KCNQ3: variants seen among roughly 807,000 people sequenced by gnomAD.
KCNQ3 encodes potassium voltage-gated channel subfamily KQT member 3.
Under a neutral mutation model 92.5 loss-of-function variants are expected in KCNQ3, and 30 were observed. That is an observed-to-expected ratio of 0.32 (90% CI 0.24 to 0.44). KCNQ3 has a LOEUF of 0.44. Among genes scored for constraint, KCNQ3 ranks in the 20% least tolerant of loss-of-function variants. The pLI, the probability that KCNQ3 is intolerant of heterozygous loss-of-function variation, is 1.00. For synonymous variants in KCNQ3, 450 were observed against 468.8 expected, an observed-to-expected ratio of 0.96 and a Z score of 0.52; for missense variants, 913 against 1,140.3, an observed-to-expected ratio of 0.80 and a Z score of 2.87.
intron 1 of KCNQ3, among the ~76,000 whole-genome samples, chr8:132,238,106 G>A (rs954590728): frequency 2.6e-5 from 4 of 152,132 alleles, no homozygotes; most frequent in African/African-American, 9.7e-5. Context: ...CTTGTACAAT[G>A]GGCCCCAGTA....
At chr8:132,260,474 AT>A (rs770609556) in intron 1 of KCNQ3, among the ~76,000 whole-genome samples, 27 of 152,258 alleles carry the variant, frequency 1.8e-4, no homozygotes, top group Middle Eastern at 3.4e-3. Flanking sequence ...ATTAAAAAAA[AT>A]AATAATAAAT....
intron 6 of KCNQ3, among the ~76,000 whole-genome samples, chr8:132,173,643 G>A (rs1333337279): frequency 6.6e-6 from 1 of 152,072 alleles, no homozygotes; most frequent in Non-Finnish European, 1.5e-5. Context: ...AGATGATGTG[G>A]GTAAAGCATT....
rs140146409 is a variant in KCNQ3, at chr8:132,351,808, T to C, written c.386+128339A>G. 5.2e-3 allele frequency among the ~76,000 whole-genome samples: 797 copies of C among 152,316 alleles called. 10 individuals are homozygous for C. Among genetic ancestry groups the C allele is most frequent in the South Asian group, 0.013 (62 of 4,830 alleles). On this transcript the variant is annotated intron_variant, in intron 1 of 14. Coordinates refer to ENST00000388996, the MANE Select transcript of KCNQ3 (RefSeq NM_004519.4). ...TTCTTTCCCTGAGAGGCACTGGCTA[T>C]AGGGATAAGACAATCACTTTGGGTT...
intron 2 of KCNQ3, 104 bp downstream of exon 2, chr8:132,185,987 A>T: frequency 1.2e-6 from 1 of 843,210 alleles, no homozygotes; most frequent in Non-Finnish European, 2.0e-6. Context: ...ACTGGAGACT[A>T]CAAGAAGCTG....
chr8:132,153,119 A>T lies in KCNQ3; in HGVS notation c.1262+10349T>A, dbSNP rs185754737. On this transcript the variant is annotated intron_variant, in intron 9 of 14. Coordinates refer to ENST00000388996, the MANE Select transcript of KCNQ3 (RefSeq NM_004519.4). ...TAACCCTGATTGTTCCTGTGAACCA[A>T]CCAGCAATCTCTGGCTGCAGCTCAG... 2.7e-3 allele frequency among the ~76,000 whole-genome samples: 416 copies of T among 152,342 alleles called. 13 individuals are homozygous for T. The highest frequency in any genetic ancestry group is 0.026 in the Admixed American group (403 of 15,298).
intron 1 of KCNQ3, among the ~76,000 whole-genome samples, chr8:132,474,819 G>A (rs940918681): frequency 1.3e-5 from 2 of 152,018 alleles, no homozygotes; most frequent in African/African-American, 4.8e-5. Context: ...TCTATGCCTG[G>A]GGAAGCTGGG....
intron 1 of KCNQ3, among the ~76,000 whole-genome samples, chr8:132,203,652 C>G (rs368075965): frequency 4.8e-4 from 73 of 152,244 alleles, no homozygotes; most frequent in African/African-American, 1.7e-3. Context: ...TTATTTATTG[C>G]TGTGTGACTC....
intron 7 of KCNQ3, among the ~76,000 whole-genome samples, chr8:132,172,388 G>A (rs1826396796): frequency 7.4e-6 from 1 of 135,758 alleles, no homozygotes; most frequent in Non-Finnish European, 1.6e-5. Flanking sequence ...TCCTGCCTGG[G>A]CACATTAATA....
chr8:132,397,692 C>T (rs1820226637), intron 1 of KCNQ3, among the ~76,000 whole-genome samples: 1 of 152,106 alleles, frequency 6.6e-6, no homozygotes, highest in African/African-American at 2.4e-5. Flanking sequence ...CCACGGCTTA[C>T]AGACTATCTG....
chr8:132,377,760 C>T (rs1464739435), intron 1 of KCNQ3, among the ~76,000 whole-genome samples: 1 of 152,142 alleles, frequency 6.6e-6, no homozygotes. Context: ...AGAGTAATAT[C>T]GGGTCAATAA....
At chr8:132,457,373 G>A (rs904183309) in intron 1 of KCNQ3, among the ~76,000 whole-genome samples, 7 of 152,118 alleles carry the variant, frequency 4.6e-5, no homozygotes, top group East Asian at 1.9e-4. Context: ...GTAACTCCTC[G>A]GTTAAGAAAG....
At chr8:132,374,424 C>G (rs547054448) in intron 1 of KCNQ3, among the ~76,000 whole-genome samples, 1 of 152,164 alleles carries the variant, frequency 6.6e-6, no homozygotes, top group Non-Finnish European at 1.5e-5. Flanking sequence ...CTCCACTCCC[C>G]GACCCACTTC....
At chr8:132,331,615 C>T (rs1818232742) in intron 1 of KCNQ3, among the ~76,000 whole-genome samples, 1 of 152,160 alleles carries the variant, frequency 6.6e-6, no homozygotes, top group Admixed American at 6.5e-5. Flanking sequence ...CCTCCTGCTC[C>T]TTGTTCTCTC....
intron 1 of KCNQ3, among the ~76,000 whole-genome samples, chr8:132,414,365 C>T (rs868843638): frequency 3.9e-5 from 6 of 152,132 alleles, no homozygotes; most frequent in African/African-American, 1.2e-4. Flanking sequence ...GCCTGGCCTC[C>T]CCTCAACCCC....
intron 1 of KCNQ3, among the ~76,000 whole-genome samples, chr8:132,286,118 A>G (rs1417328334): frequency 6.6e-6 from 1 of 152,216 alleles, no homozygotes; most frequent in Non-Finnish European, 1.5e-5. Context: ...TGGAGCCATA[A>G]AGAGCCTCCA....
intron 1 of KCNQ3, among the ~76,000 whole-genome samples, chr8:132,411,651 A>T (rs760753021): frequency 2.0e-5 from 3 of 151,992 alleles, no homozygotes; most frequent in Non-Finnish European, 2.9e-5. Context: ...ACACACACAC[A>T]ACACACACAA....
At chr8:132,441,582 AAAACAAAC>A (rs56692449) in intron 1 of KCNQ3, among the ~76,000 whole-genome samples, 2 of 150,728 alleles carry the variant, frequency 1.3e-5, no homozygotes, top group African/African-American at 4.9e-5. Context: ...AAAACAAAAC[AAAACAAAC>A]AAACAAACAA....
At chr8:132,322,529 G>A (rs926071926) in intron 1 of KCNQ3, among the ~76,000 whole-genome samples, 17 of 152,114 alleles carry the variant, frequency 1.1e-4, no homozygotes, top group South Asian at 4.1e-4. Context: ...GGTATTCCCC[G>A]CATGTGTGCA....
chr8:132,396,052 A>G (rs1563893931), intron 1 of KCNQ3, among the ~76,000 whole-genome samples: 1 of 152,230 alleles, frequency 6.6e-6, no homozygotes, highest in Non-Finnish European at 1.5e-5. Context: ...AGGTGGAGCT[A>G]ACGCCAGTCT....
Sources: gnomAD v4.1 joint callset for allele counts (sites outside exome capture counted in the v4.1 genomes callset) on GRCh38, gnomAD v4.1.1 for gene constraint, MANE v1.5 for transcripts, NCBI Gene and HGNC (gene_info 2026-07-23, HGNC 2026-07-21) for gene names.